MBP: variants seen among roughly 807,000 people sequenced by gnomAD.
MBP encodes the protein Golli-MBP.
Under a neutral mutation model 35.8 loss-of-function variants are expected in MBP, and 16 were observed. The observed-to-expected ratio is 0.45, with a 90% confidence interval of 0.30 to 0.68. The LOEUF is 0.68. MBP is among the 30% of genes least tolerant of loss of function. The pLI, the probability that MBP is intolerant of heterozygous loss-of-function variation, is 0.08. For missense variants in MBP, 380 were observed against 404.7 expected (o/e 0.94, Z 0.52); for synonymous variants, 143 against 159.6 (o/e 0.90, Z 0.78).
chr18:77,010,072 G>C (rs752410662), intron 4 of MBP: 18 of 631,336 alleles, frequency 2.9e-5, no homozygotes, highest in Non-Finnish European at 4.3e-5. Flanking sequence ...GATGAAGGAC[G>C]ACAGGGAGAG....
rs775732100 is a variant in MBP, at chr18:77,009,909, C to G, written c.576+6923G>C. On this transcript the variant is annotated intron_variant, in intron 4 of 8. Transcript: ENST00000355994. ...CATGAGAGGGCAGAGGGCTCCGGCCCGGCTTTAGCCAGGGTACCTGCCGGG... is the reference window on the plus strand; with the variant it reads ...CATGAGAGGGCAGAGGGCTCCGGCCGGGCTTTAGCCAGGGTACCTGCCGGG... The G allele has an allele frequency of 2.5e-6, 4 of 1,589,622 alleles. No homozygotes were observed. In the Admixed American group the frequency reaches 5.3e-5, roughly 21 times the overall value.
At chr18:77,025,337 C>A (rs561565094) in intron 3 of MBP, among the ~76,000 whole-genome samples, 1 of 152,286 alleles carries the variant, frequency 6.6e-6, no homozygotes, top group South Asian at 2.1e-4. Context: ...CAGGAGAGAC[C>A]CAGAGGCTTT....
intron 3 of MBP, among the ~76,000 whole-genome samples, chr18:77,053,752 A>G (rs1973607858): frequency 6.6e-6 from 1 of 152,206 alleles, no homozygotes; most frequent in Non-Finnish European, 1.5e-5. Flanking sequence ...AGCAGGGACG[A>G]GGGGTGTCCC....
rs1164327332 is a variant in MBP, at chr18:76,986,423, A to G, written c.751-1529T>C. 3 of 985,428 alleles carry G rather than the reference A, an allele frequency of 3.0e-6. No homozygotes were observed. The African/African-American group carries it at 5.2e-5, about 17-fold the overall frequency. The allele number at this position is 985,428 out of a possible 1,614,324, so 61.0% of individuals were successfully genotyped here. A position where few individuals can be genotyped will look rare whatever the true frequency, so the allele number is the denominator to read the frequency against. On this transcript the variant is annotated intron_variant, in intron 7 of 8. Transcript: ENST00000355994. ...TGACACCAGAGGCCTCAAGGCTTCC[A>G]GAGCACCTGGCTGCACCCTCAGCCT...
chr18:76,990,054 G>A lies in MBP; in HGVS notation c.583C>T (p.His195Tyr), dbSNP rs1599478865. 2.5e-6 allele frequency: 4 copies of A among 1,611,588 alleles called. No homozygotes were observed. The highest frequency in any genetic ancestry group is 1.1e-5 in the South Asian group (1 of 90,788). Residue 195 changes from histidine to tyrosine, a missense_variant, in exon 5 of 9, where the codon CAC becomes TAC. His to Tyr is a moderately conservative substitution (Grantham distance 83, BLOSUM62 2). Transcript: ENST00000355994. Reference sequence around the variant, plus strand: ...TAGTGAGCAGTTCTTGCCGGGTGGTGTGAGTCCTGAAACACAGAGGCGCGG... The same window carrying A: ...TAGTGAGCAGTTCTTGCCGGGTGGTATGAGTCCTGAAACACAGAGGCGCGG... ...APKRGSGKDS[H>Y]HPARTAHYGS...
At chr18:77,080,997 T>A (rs1041412005) in intron 2 of MBP, among the ~76,000 whole-genome samples, 7 of 152,190 alleles carry the variant, frequency 4.6e-5, no homozygotes, top group East Asian at 3.9e-4. Flanking sequence ...CACTTTTTTT[T>A]AATCAAAACT....
At chr18:77,132,824 C>G (rs1393501894), upstream of MBP, 1 of 151,996 alleles carries the variant, frequency 6.6e-6, no homozygotes, top group Non-Finnish European at 1.5e-5. Context: ...ACCCAGCTCC[C>G]CGGCCCCGCC....
chr18:76,982,491 T>C (rs1969265029), intron 8 of MBP: 1 of 152,264 alleles, frequency 6.6e-6, no homozygotes, highest in Admixed American at 6.5e-5. Flanking sequence ...TGGAAACTAA[T>C]GCACATGGAA....
chr18:76,999,327 C>T (rs1170678969), intron 4 of MBP, among the ~76,000 whole-genome samples: 2 of 152,136 alleles, frequency 1.3e-5, no homozygotes, highest in Non-Finnish European at 1.5e-5. Flanking sequence ...CTCCGCTTCC[C>T]CCGTCAACCC....
chr18:77,060,435 T>A (rs7243285), intron 3 of MBP, among the ~76,000 whole-genome samples: 1 of 143,494 alleles, frequency 7.0e-6, no homozygotes, highest in African/African-American at 2.7e-5. Context: ...TATAACTGTT[T>A]TCTCTCTCTC....
rs1306246247 is a variant in MBP at position 77,017,466 on chromosome 18, C to T, written c.140-198G>A. On this transcript the variant is annotated intron_variant, in intron 3 of 8. Coordinates refer to ENST00000355994, the MANE Select transcript of MBP (RefSeq NM_001025101.2). ...TTGCAGCTCTGTGTTTCAGAAGGCT[C>T]TGGGAATTCCTCAGTTACTCGAGAT... 4 of 418,020 alleles carry T rather than the reference C, an allele frequency of 9.6e-6. No individual in the cohort carries two copies. In the East Asian group the frequency reaches 1.4e-4, roughly 15 times the overall value. The allele number at this position is 418,020 out of a possible 1,614,324, so 25.9% of individuals were successfully genotyped here.
intron 3 of MBP, among the ~76,000 whole-genome samples, chr18:77,023,591 G>A (rs112005176): frequency 1.8e-4 from 28 of 152,236 alleles, no homozygotes; most frequent in East Asian, 3.9e-4. Context: ...TAACTCATGC[G>A]CCTGCACGGA....
intron 2 of MBP, among the ~76,000 whole-genome samples, chr18:77,094,549 A>T (rs1327998463): frequency 6.6e-6 from 1 of 152,226 alleles, no homozygotes; most frequent in African/African-American, 2.4e-5. Context: ...AGGAGAGCTT[A>T]CTTGTACATT....
chr18:77,025,723 T>TTTTTTTTTTTTTTTG (rs1568299072), intron 3 of MBP, among the ~76,000 whole-genome samples: 1 of 150,006 alleles, frequency 6.7e-6, no homozygotes, highest in African/African-American at 2.5e-5. Flanking sequence ...TTTTTTTTTT[T>TTTTTTTTTTTTTTTG]TTACCTAGAG....
intron 2 of MBP, among the ~76,000 whole-genome samples, chr18:77,085,550 A>G (rs1399534839): frequency 6.6e-6 from 1 of 152,202 alleles, no homozygotes; most frequent in African/African-American, 2.4e-5. Flanking sequence ...CGCGGAGCCA[A>G]TGCCACGTGT....
chr18:77,080,572 C>A (rs998265918), intron 2 of MBP, among the ~76,000 whole-genome samples: 1 of 152,256 alleles, frequency 6.6e-6, no homozygotes, highest in African/African-American at 2.4e-5. Context: ...ACCTCATTAA[C>A]GGCCCTTGGT....
At chr18:77,035,107 C>T (rs1401736284) in intron 3 of MBP, among the ~76,000 whole-genome samples, 2 of 152,242 alleles carry the variant, frequency 1.3e-5, no homozygotes, top group Non-Finnish European at 2.9e-5. Flanking sequence ...CCTCTGAGAA[C>T]AGGCTCCGGG....
At chr18:77,045,384 C>T (rs1484205488) in intron 3 of MBP, among the ~76,000 whole-genome samples, 1 of 151,750 alleles carries the variant, frequency 6.6e-6, no homozygotes, top group African/African-American at 2.4e-5. Context: ...TGCAGCAGCA[C>T]CTGCCTGCAC....
intron 4 of MBP, among the ~76,000 whole-genome samples, chr18:76,991,367 A>G (rs1969903773): frequency 6.6e-6 from 1 of 152,116 alleles, no homozygotes; most frequent in Non-Finnish European, 1.5e-5. Flanking sequence ...GAGGGAAGGG[A>G]AAAGCCATGA....
Sources: gnomAD v4.1 joint callset for allele counts (sites outside exome capture counted in the v4.1 genomes callset) on GRCh38, gnomAD v4.1.1 for gene constraint, MANE v1.5 for transcripts, NCBI Gene and HGNC (gene_info 2026-07-23, HGNC 2026-07-21) for gene names.